The following PROSER3 variants were observed in gnomAD, a reference collection of about 807,000 sequenced individuals.
PROSER3 encodes the protein proline and serine-rich protein 3.
In PROSER3, 33 loss-of-function variants were observed where a neutral mutation model predicts 50.2. The ratio of observed to expected loss-of-function variants is 0.66; its 90% CI spans 0.50 to 0.88. The LOEUF (loss-of-function observed/expected upper bound fraction) is 0.88, where lower values mean the gene tolerates loss of function less well. Among genes scored for constraint, PROSER3 ranks in the 40% least tolerant of loss-of-function variants. The pLI, the probability that PROSER3 is intolerant of heterozygous loss-of-function variation, is 0.00. For synonymous variants in PROSER3, 266 were observed against 259.3 expected (o/e 1.03, Z -0.25); for missense variants, 623 against 612.7 (o/e 1.02, Z -0.18).
At position 35,763,793 on chromosome 19, in the gene PROSER3, A is replaced by G. The variant is rs946339212; in HGVS notation, c.544-1061A>G. On this transcript the variant is annotated intron_variant, in intron 5 of 10. Coordinates refer to ENST00000396908, the Ensembl canonical transcript of PROSER3. ...AGTGCTAGGATTACAGGCATGAGCC[A>G]CCGCGCCCGGCCTTCTTTTTTTTTT... 2.1e-5 allele frequency among the ~76,000 whole-genome samples: 3 copies of G among 143,750 alleles called. No homozygotes were observed. In the East Asian group the frequency reaches 6.2e-4, roughly 30 times the overall value. 94.3% of individuals were successfully genotyped at this position (143,750 alleles called of 152,430 possible).
downstream of PROSER3, chr19:35,770,684 C>G (rs1026854038): frequency 6.6e-6 from 1 of 151,998 alleles, no homozygotes; most frequent in African/African-American, 2.4e-5. Context: ...TCAAGACCAG[C>G]CTGGCCAACA....
At chr19:35,766,926 C>T in exon 8 of PROSER3, 1 of 1,554,430 alleles carries the variant, frequency 6.4e-7, no homozygotes, top group Non-Finnish European at 8.7e-7. Context: ...AGCTTGGGTG[C>T]CGCCTCTGAC....
At position 35,763,910 on chromosome 19, in the gene PROSER3, C is replaced by T. The variant is rs118020685; in HGVS notation, c.544-944C>T. On this transcript the variant is annotated intron_variant, in intron 5 of 10. Coordinates refer to ENST00000396908, the Ensembl canonical transcript of PROSER3. ...CTTGAACTCTTTGCAACCTTCGCCTCCTGAGTACCTGGGACTACAGCATGC... is the reference window on the plus strand; with the variant it reads ...CTTGAACTCTTTGCAACCTTCGCCTTCTGAGTACCTGGGACTACAGCATGC... Among the ~76,000 whole-genome samples, 127 of 149,240 alleles carry T rather than the reference C, an allele frequency of 8.5e-4. 3 individuals carry two copies. The East Asian group carries it at 0.018, about 21-fold the overall frequency.
exon 9 of PROSER3, chr19:35,768,023 G>C (rs752985808): frequency 6.3e-7 from 1 of 1,582,824 alleles, no homozygotes; most frequent in Admixed American, 1.8e-5. Context: ...CCCCTCGGAG[G>C]CCCTGCTTGC....
intron 7 of PROSER3, among the ~76,000 whole-genome samples, chr19:35,766,372 C>A (rs1386631446): frequency 2.0e-5 from 3 of 152,036 alleles, no homozygotes; most frequent in Admixed American, 1.3e-4. Context: ...CAAAGCAAGA[C>A]CCTGTCTCTA....
chr19:35,766,692 G>A (rs1006393917), intron 7 of PROSER3, 76 bp from the exon 8 acceptor site: 214 of 1,017,244 alleles, frequency 2.1e-4, no homozygotes, highest in Non-Finnish European at 2.9e-4. Flanking sequence ...GTTGGAGGGC[G>A]TGTGTGCAGG....
chr19:35,759,862 C>T (rs1180142594), exon 3 of PROSER3: 2 of 1,583,282 alleles, frequency 1.3e-6, no homozygotes, highest in Non-Finnish European at 1.7e-6. Context: ...GGTCCCAACT[C>T]CCCTGAGCTG....
chr19:35,766,907 G>T, exon 8 of PROSER3: 6 of 1,554,026 alleles, frequency 3.9e-6, no homozygotes, highest in Non-Finnish European at 5.2e-6. Context: ...AGGGAAGCAA[G>T]GGTGACAGAG....
At chr19:35,762,034 C>T (rs1332648062) in exon 4 of PROSER3, 1 of 1,608,394 alleles carries the variant, frequency 6.2e-7, no homozygotes, top group African/African-American at 1.3e-5. Flanking sequence ...TAAACAGGTT[C>T]CGCCAGGCTC....
At chr19:35,768,040 C>G in exon 9 of PROSER3, 1 of 1,580,812 alleles carries the variant, frequency 6.3e-7, no homozygotes, top group Non-Finnish European at 8.6e-7. Flanking sequence ...TTGCCCAGGC[C>G]GCCCTGCTGC....
intron 5 of PROSER3, 190 bp downstream of exon 5, chr19:35,762,546 TAA>T (rs3043403): frequency 0.042 from 10,333 of 244,664 alleles, no homozygotes; most frequent in Middle Eastern, 0.066. Flanking sequence ...CTGCCTCTAC[TAA>T]AAAAAAAAAA....
At chr19:35,768,700 G>GC in exon 11 of PROSER3, 1 of 820,194 alleles carries the variant, frequency 1.2e-6, no homozygotes. Context: ...GCTCTGCCCT[G>GC]CCCCCCACCC....
chr19:35,763,995 C>T (rs1486274088), intron 5 of PROSER3, among the ~76,000 whole-genome samples: 11 of 151,170 alleles, frequency 7.3e-5, no homozygotes, highest in Non-Finnish European at 1.5e-4. Context: ...ACTTTGTTGT[C>T]GAGGCTGGTC....
intron 8 of PROSER3, chr19:35,767,371 AC>A: frequency 1.7e-5 from 4 of 234,822 alleles, no homozygotes; most frequent in South Asian, 7.6e-5. Flanking sequence ...CCACCCTCGA[AC>A]CCCCGGCCTC....
exon 11 of PROSER3, chr19:35,769,130 C>A (rs566032282): frequency 6.6e-6 from 1 of 152,348 alleles, no homozygotes; most frequent in East Asian, 1.9e-4. Flanking sequence ...TGACTCTAAA[C>A]CCCGTCTCTA....
downstream of PROSER3, among the ~76,000 whole-genome samples, chr19:35,770,401 T>C (rs1055550752): frequency 1.3e-5 from 2 of 150,798 alleles, no homozygotes; most frequent in East Asian, 3.9e-4. Flanking sequence ...CACCTCAATC[T>C]AGGCTGTCAT....
At chr19:35,762,548 A>C in intron 5 of PROSER3, 192 bp downstream of exon 5, 1 of 230,038 alleles carries the variant, frequency 4.3e-6, no homozygotes, top group Non-Finnish European at 8.5e-6. Context: ...GCCTCTACTA[A>C]AAAAAAAAAA....
chr19:35,759,451 G>C (rs898931196), exon 2 of PROSER3: 2 of 1,612,766 alleles, frequency 1.2e-6, no homozygotes, highest in African/African-American at 2.7e-5. Flanking sequence ...CCATCCCAGA[G>C]CCAGACCTGG....
chr19:35,767,755 C>A (rs778190967), intron 8 of PROSER3: 1 of 1,571,838 alleles, frequency 6.4e-7, no homozygotes, highest in Non-Finnish European at 8.6e-7. Flanking sequence ...CCACACAACC[C>A]CAAACCAAGG....
Sources: gnomAD v4.1 joint callset for allele counts (sites outside exome capture counted in the v4.1 genomes callset) on GRCh38, gnomAD v4.1.1 for gene constraint, MANE v1.5 for transcripts, NCBI Gene and HGNC (gene_info 2026-07-23, HGNC 2026-07-21) for gene names.